Variants in CLVS1 observed in about 807,000 individuals in gnomAD.
CLVS1 encodes clavesin-1.
Under a neutral mutation model 33.1 loss-of-function variants are expected in CLVS1, and 10 were observed. The observed-to-expected ratio is 0.30, with a 90% CI of 0.19 to 0.51. The LOEUF is 0.51. Ranked by LOEUF, CLVS1 falls within the 20% of genes least tolerant of loss-of-function variation. CLVS1 has a pLI of 0.97. For synonymous variants in CLVS1, 163 were observed against 166.1 expected (o/e 0.98, Z 0.14); for missense variants, 343 against 433.4 (o/e 0.79, Z 1.85).
chr8:61,457,236 C>A (rs1160179668), intron 4 of CLVS1, among the ~76,000 whole-genome samples: 1 of 152,072 alleles, frequency 6.6e-6, no homozygotes, highest in Non-Finnish European at 1.5e-5. Context: ...TGCACGTGGC[C>A]CACGTTTATA....
chr8:61,109,243 T>C (rs1223412584), intron 1 of CLVS1, among the ~76,000 whole-genome samples: 1 of 151,950 alleles, frequency 6.6e-6, no homozygotes. Flanking sequence ...GTAAGGAAAA[T>C]ATTACTCTTA....
intron 2 of CLVS1, among the ~76,000 whole-genome samples, chr8:61,195,045 A>G (rs1365662958): frequency 6.6e-6 from 1 of 151,802 alleles, no homozygotes; most frequent in Non-Finnish European, 1.5e-5. Context: ...ATATCAAAAC[A>G]TGCGGGATAC....
intron 5 of CLVS1, among the ~76,000 whole-genome samples, chr8:61,466,362 C>A (rs1817547068): frequency 6.6e-6 from 1 of 152,106 alleles, no homozygotes; most frequent in South Asian, 2.1e-4. Context: ...CAGGCAGGGG[C>A]TGATTTCTGA....
rs1808264243 is a variant in CLVS1, at chr8:61,223,423, CCCTTCACTTATGAAG to C, written c.-151-76250_-151-76236del. Among the ~76,000 whole-genome samples the C allele has an allele frequency of 2.0e-5, 3 of 152,120 alleles. No homozygotes were observed. The South Asian group carries it at 6.2e-4, about 32-fold the overall frequency. ...GCTTGTCTGGAAAGGATTTTATTTC[CCCTTCACTTATGAAG>C]CCTAGTTTCACTGGATATGAACTTC... is the stretch of plus-strand genomic sequence containing the variant. On this transcript the variant is annotated intron_variant, in intron 2 of 2. Coordinates refer to the CLVS1 transcript ENST00000522621.
At chr8:61,047,800 G>A in the CLVS1 span, among the ~76,000 whole-genome samples, 4 of 152,224 alleles carry the variant, frequency 2.6e-5, no homozygotes, top group East Asian at 1.9e-4. Flanking sequence ...TGTGGGTTGC[G>A]GGGAGCGGGG....
intron 1 of CLVS1, among the ~76,000 whole-genome samples, chr8:61,124,183 C>T (rs113176126): frequency 8.9e-4 from 136 of 152,252 alleles, no homozygotes; most frequent in African/African-American, 2.8e-3. Flanking sequence ...TGTTCAAATC[C>T]TTGCAAAAGA....
intron 2 of CLVS1, among the ~76,000 whole-genome samples, chr8:61,372,324 G>C (rs1041841647): frequency 6.6e-6 from 1 of 152,028 alleles, no homozygotes; most frequent in South Asian, 2.1e-4. Flanking sequence ...TGACCATTTT[G>C]GTTTGCTTAG....
At chr8:61,451,798 A>AACAC (rs573436702) in intron 3 of CLVS1, among the ~76,000 whole-genome samples, 4 of 146,346 alleles carry the variant, frequency 2.7e-5, no homozygotes, top group African/African-American at 7.9e-5. Flanking sequence ...CTCTGTACAA[A>AACAC]ACACACACAC....
chr8:61,349,446 G>A (rs76344684), intron 2 of CLVS1, among the ~76,000 whole-genome samples: 1,675 of 152,182 alleles, frequency 0.011, 26 homozygotes, highest in African/African-American at 0.038. Context: ...AGGGAAAAGA[G>A]GGTCAAGGAC....
In CLVS1 at chr8:61,299,873, T is replaced by G. The variant is rs1371227944; in HGVS notation, c.46T>G (p.Trp16Gly). The G allele has an allele frequency of 6.2e-7, 1 of 1,613,634 alleles. No individual in the cohort carries two copies. Among genetic ancestry groups the G allele is most frequent in the East Asian group, 2.2e-5 (1 of 44,866 alleles). ...LLPKYQKLNT[W>G]NGDLAKMTHL... ...TCCAAAATATCAGAAGTTAAACACT[T>G]GGAACGGAGATTTGGCCAAGATGAC... is the stretch of plus-strand genomic sequence containing the variant. The change falls in exon 2 of 6, where the codon TGG (tryptophan) becomes GGG (glycine). Residue 16 changes from tryptophan (W) to glycine (G), a missense_variant. Transcript: ENST00000325897.
intron 2 of CLVS1, among the ~76,000 whole-genome samples, chr8:61,304,120 A>C (rs1321963863): frequency 6.6e-6 from 1 of 152,242 alleles, no homozygotes; most frequent in Non-Finnish European, 1.5e-5. Context: ...AAATGACTTC[A>C]TTCTCACCAG....
chr8:61,430,743 T>A (rs1477052076), intron 3 of CLVS1, among the ~76,000 whole-genome samples: 1 of 152,138 alleles, frequency 6.6e-6, no homozygotes, highest in African/African-American at 2.4e-5. Context: ...TGTGCCCTAA[T>A]CTCAGACAAA....
At chr8:61,203,164 T>C in intron 2 of CLVS1, 1 of 1,144,672 alleles carries the variant, frequency 8.7e-7, no homozygotes, top group African/African-American at 1.5e-5. Flanking sequence ...ACGTGAAGAA[T>C]TGCTTCCGGA....
rs542438710 is a variant in CLVS1 at position 61,484,477 on chromosome 8, A to C, written c.978-14978A>C. On this transcript the variant is annotated intron_variant, in intron 5 of 5. Coordinates refer to ENST00000325897, the MANE Select transcript of CLVS1 (RefSeq NM_173519.3). The stretch of plus-strand genomic sequence containing the variant: ...ACAAATGGAGGAACATTCCATGCTC[A>C]TGGGTAGGAAGAATCAATATCATGA... Among the ~76,000 whole-genome samples, 28 of 152,350 alleles carry C rather than the reference A, an allele frequency of 1.8e-4. No homozygotes were observed. In the East Asian group the frequency reaches 5.2e-3, roughly 28 times the overall value.
upstream of CLVS1, among the ~76,000 whole-genome samples, chr8:61,283,472 C>A (rs74989440): frequency 8.1e-3 from 1,236 of 152,294 alleles, 10 homozygotes; most frequent in Non-Finnish European, 0.014. Flanking sequence ...AATACTGCCA[C>A]CTTTTCCAGC....
chr8:61,493,989 T>A (rs1028638486), intron 5 of CLVS1, among the ~76,000 whole-genome samples: 15 of 152,164 alleles, frequency 9.9e-5, no homozygotes, highest in Admixed American at 1.3e-4. Flanking sequence ...AAGAAGGCAA[T>A]GCAGGGCATT....
At chr8:61,371,776 C>G (rs1407639267) in intron 2 of CLVS1, among the ~76,000 whole-genome samples, 1 of 152,152 alleles carries the variant, frequency 6.6e-6, no homozygotes, top group Non-Finnish European at 1.5e-5. Flanking sequence ...TTTAAAGCCT[C>G]AGGTGCTTAA....
At chr8:61,419,329 G>A (rs1251569952) in intron 3 of CLVS1, among the ~76,000 whole-genome samples, 3 of 142,874 alleles carry the variant, frequency 2.1e-5, no homozygotes, top group South Asian at 2.2e-4. Context: ...CCCAGGAGGC[G>A]AAAGTTGCAG....
At chr8:61,231,422 T>G (rs904494717) in intron 2 of CLVS1, among the ~76,000 whole-genome samples, 1 of 152,202 alleles carries the variant, frequency 6.6e-6, no homozygotes, top group Admixed American at 6.5e-5. Flanking sequence ...TCTATGAAAC[T>G]AGAATTTTCT....
Sources: gnomAD v4.1 joint callset for allele counts (sites outside exome capture counted in the v4.1 genomes callset) on GRCh38, gnomAD v4.1.1 for gene constraint, MANE v1.5 for transcripts, NCBI Gene and HGNC (gene_info 2026-07-23, HGNC 2026-07-21) for gene names.